Variants in PHACTR1 observed in about 807,000 individuals in gnomAD.
PHACTR1 encodes the protein RPEL repeat containing 1.
A neutral mutation model predicts 69.2 loss-of-function variants in PHACTR1; 16 were observed. That is an observed-to-expected ratio of 0.23 (90% confidence interval 0.16 to 0.35). PHACTR1 has a LOEUF of 0.35. Ranked by LOEUF, PHACTR1 falls within the 10% of genes least tolerant of loss-of-function variation. PHACTR1 has a pLI of 1.00. For missense variants in PHACTR1, 510 were observed against 734.7 expected (o/e 0.69, Z 3.54); for synonymous variants, 312 against 284.5 (o/e 1.10, Z -0.97).
At chr6:13,150,658 A>G (rs2113445349) in intron 5 of PHACTR1, among the ~76,000 whole-genome samples, 1 of 152,190 alleles carries the variant, frequency 6.6e-6, no homozygotes, top group South Asian at 2.1e-4. Context: ...TAGATTGACA[A>G]CCTTATTTAT....
intron 5 of PHACTR1, among the ~76,000 whole-genome samples, chr6:13,129,644 C>A (rs894713741): frequency 6.6e-6 from 1 of 151,946 alleles, no homozygotes; most frequent in African/African-American, 2.4e-5. Flanking sequence ...CTGGAGCTCC[C>A]AAATTTATAA....
chr6:12,846,863 G>A (rs1779331139), intron 4 of PHACTR1, among the ~76,000 whole-genome samples: 1 of 143,986 alleles, frequency 6.9e-6, no homozygotes, highest in South Asian at 2.2e-4. Flanking sequence ...CTGGAGTGCA[G>A]TGGCCGTCTC....
intron 4 of PHACTR1, among the ~76,000 whole-genome samples, chr6:12,979,242 G>T (rs1023481856): frequency 1.3e-5 from 2 of 152,170 alleles, no homozygotes. Context: ...TGCTTGAAAA[G>T]TTTACCTGGC....
intron 7 of PHACTR1, among the ~76,000 whole-genome samples, chr6:13,186,378 T>G (rs532138447): frequency 9.2e-5 from 14 of 152,362 alleles, no homozygotes; most frequent in Admixed American, 8.5e-4. Context: ...GTGATTTTAT[T>G]AGCTGCTTGG....
At chr6:12,731,926 C>A (rs1763578940) in intron 3 of PHACTR1, among the ~76,000 whole-genome samples, 1 of 151,754 alleles carries the variant, frequency 6.6e-6, no homozygotes, top group Non-Finnish European at 1.5e-5. Flanking sequence ...GGCAATGGAG[C>A]CATTTTATGT....
At chr6:12,837,737 C>T (rs1582012167) in intron 4 of PHACTR1, among the ~76,000 whole-genome samples, 1 of 152,304 alleles carries the variant, frequency 6.6e-6, no homozygotes, top group African/African-American at 2.4e-5. Context: ...AAAACCTTCA[C>T]AAAATTATTG....
At chr6:13,015,362 C>T (rs1800028383) in intron 4 of PHACTR1, among the ~76,000 whole-genome samples, 1 of 152,154 alleles carries the variant, frequency 6.6e-6, no homozygotes, top group Non-Finnish European at 1.5e-5. Context: ...ACACACAAAA[C>T]ACATGAACGC....
chr6:12,830,113 G>GAA (rs1295446469), intron 4 of PHACTR1, among the ~76,000 whole-genome samples: 4 of 43,754 alleles, frequency 9.1e-5, no homozygotes, highest in Non-Finnish European at 2.8e-4. Flanking sequence ...AAGAAAGAAA[G>GAA]AAAGAAAGAA....
intron 4 of PHACTR1, among the ~76,000 whole-genome samples, chr6:13,051,606 A>T (rs1431746758): frequency 6.6e-6 from 1 of 152,082 alleles, no homozygotes; most frequent in African/African-American, 2.4e-5. Flanking sequence ...CCTCCCAGGG[A>T]TCCGCTTCTC....
intron 4 of PHACTR1, among the ~76,000 whole-genome samples, chr6:12,925,594 C>T (rs753346823): frequency 6.6e-6 from 1 of 152,182 alleles, no homozygotes; most frequent in Non-Finnish European, 1.5e-5. Context: ...GGTACATTTT[C>T]CCCATTCCTC....
chr6:12,717,351 A>G (rs1018382919), intron 1 of PHACTR1, among the ~76,000 whole-genome samples, 158 bp from the exon 2 acceptor site: 5 of 152,096 alleles, frequency 3.3e-5, no homozygotes, highest in Admixed American at 3.3e-4. Context: ...TAAACAATGA[A>G]GACATAAATC....
chr6:12,870,876 A>C (rs1781961323), intron 4 of PHACTR1, among the ~76,000 whole-genome samples: 1 of 152,206 alleles, frequency 6.6e-6, no homozygotes, highest in South Asian at 2.1e-4. Context: ...TTTGTTTTTT[A>C]TAAATTAACT....
At chr6:12,936,295 A>T (rs1789441118) in intron 4 of PHACTR1, among the ~76,000 whole-genome samples, 1 of 152,206 alleles carries the variant, frequency 6.6e-6, no homozygotes, top group African/African-American at 2.4e-5. Flanking sequence ...CCACTTATCT[A>T]TACCAGTATA....
chr6:12,993,597 C>A (rs1797069727), intron 4 of PHACTR1, among the ~76,000 whole-genome samples: 1 of 152,148 alleles, frequency 6.6e-6, no homozygotes, highest in East Asian at 1.9e-4. Context: ...CGAAGTCCTG[C>A]CCATAGATAA....
chr6:12,871,504 G>A (rs1360579), intron 4 of PHACTR1, among the ~76,000 whole-genome samples: 40,199 of 151,958 alleles, frequency 0.26, 5,924 homozygotes, highest in Middle Eastern at 0.37. Context: ...CCTTTAATCT[G>A]CAGCATTTCC....
In PHACTR1 at chr6:12,718,726, T is replaced by C; in HGVS notation, c.-19T>C. 1 of 1,405,268 alleles carries C rather than the reference T, an allele frequency of 7.1e-7. No individual in the cohort carries two copies. The allele number at this position is 1,405,268 out of a possible 1,614,324, so 87.0% of individuals were successfully genotyped here. A position where few individuals can be genotyped will look rare whatever the true frequency, so the allele number is the denominator to read the frequency against. On this transcript the variant is annotated 5_prime_UTR_variant, in exon 3 of 15. Transcript: ENST00000332995. ...GTTCCAGTGTTTTCTCTCAAAACTC[T>C]GTGTTTGGAACATCAAGGATGGATT... is the stretch of plus-strand genomic sequence containing the variant.
At chr6:12,862,180 G>A (rs1191262066) in intron 4 of PHACTR1, among the ~76,000 whole-genome samples, 1 of 152,128 alleles carries the variant, frequency 6.6e-6, no homozygotes, top group Non-Finnish European at 1.5e-5. Flanking sequence ...CTTGTGTGTG[G>A]GCTGACTGTA....
intron 4 of PHACTR1, among the ~76,000 whole-genome samples, chr6:12,792,079 G>A (rs541310532): frequency 1.3e-5 from 2 of 152,236 alleles, no homozygotes; most frequent in East Asian, 3.9e-4. Flanking sequence ...TATATGTATG[G>A]ATATGAAAGT....
chr6:12,929,567 CACA>C (rs935970864), intron 4 of PHACTR1, among the ~76,000 whole-genome samples: 1 of 152,178 alleles, frequency 6.6e-6, no homozygotes, highest in Non-Finnish European at 1.5e-5. Context: ...CCAAGGAAGA[CACA>C]ACAACAAGGT....
Sources: allele counts gnomAD v4.1 joint callset (sites outside exome capture counted in the v4.1 genomes callset), GRCh38; gene constraint gnomAD v4.1.1; transcripts MANE v1.5; gene names NCBI Gene and HGNC (gene_info 2026-07-23, HGNC 2026-07-21).